Variants in RFFL observed in about 807,000 individuals in gnomAD.
RFFL encodes the protein E3 ubiquitin-protein ligase rififylin.
In RFFL, 16 loss-of-function variants were observed where a neutral mutation model predicts 40.4. That is an observed-to-expected ratio of 0.40 (90% confidence interval 0.27 to 0.60). The LOEUF is 0.60. RFFL is among the 20% of genes least tolerant of loss of function. The pLI is 0.47. For missense variants in RFFL, 367 were observed against 451.7 expected (o/e 0.81, Z 1.70); for synonymous variants, 154 against 167.9 (o/e 0.92, Z 0.64).
At chr17:35,063,960 T>C (rs2091308326), upstream of RFFL, 1 of 152,232 alleles carries the variant, frequency 6.6e-6, no homozygotes, top group African/African-American at 2.4e-5. Flanking sequence ...CCAGAGCCCT[T>C]ACCCAAAAAG....
intron 1 of RFFL, among the ~76,000 whole-genome samples, chr17:35,084,112 G>A (rs553784953): frequency 3.8e-4 from 58 of 152,054 alleles, no homozygotes; most frequent in African/African-American, 1.4e-3. Flanking sequence ...AGTGGCGCGT[G>A]CCTGTAATCC....
At chr17:35,035,254 CA>C (rs1239142594) in intron 1 of RFFL, among the ~76,000 whole-genome samples, 4 of 151,854 alleles carry the variant, frequency 2.6e-5, no homozygotes, top group Non-Finnish European at 4.4e-5. Flanking sequence ...ACTAAAAATA[CA>C]AAAATTAGCC....
At chr17:35,022,802 A>G (rs1361435740) in intron 2 of RFFL, among the ~76,000 whole-genome samples, 1 of 152,192 alleles carries the variant, frequency 6.6e-6, no homozygotes, top group Non-Finnish European at 1.5e-5. Context: ...TATCCAAGAC[A>G]AATATTTAGA....
At chr17:35,052,772 G>A (rs56056457) in intron 1 of RFFL, among the ~76,000 whole-genome samples, 10,818 of 152,226 alleles carry the variant, frequency 0.071, 527 homozygotes, top group Non-Finnish European at 0.094. Flanking sequence ...GCTCAGTGAG[G>A]CCATGGTCTA....
At chr17:35,041,099 G>T (rs2091162559) in intron 1 of RFFL, among the ~76,000 whole-genome samples, 1 of 151,878 alleles carries the variant, frequency 6.6e-6, no homozygotes, top group African/African-American at 2.4e-5. Context: ...GATATTATTT[G>T]CTTATTTATT....
intron 1 of RFFL, among the ~76,000 whole-genome samples, chr17:35,060,298 C>T (rs1028269871): frequency 2.0e-5 from 3 of 152,202 alleles, no homozygotes; most frequent in Non-Finnish European, 2.9e-5. Flanking sequence ...CCTCCTCCTC[C>T]TACCTTGATG....
chr17:35,067,073 A>G (rs534093946), upstream of RFFL, among the ~76,000 whole-genome samples: 222 of 152,078 alleles, frequency 1.5e-3, no homozygotes, highest in Non-Finnish European at 2.8e-3. Flanking sequence ...AGTCCCTCAG[A>G]CACTCTGAAT....
chr17:35,025,753 G>A (rs2091037022), intron 2 of RFFL, among the ~76,000 whole-genome samples: 1 of 152,154 alleles, frequency 6.6e-6, no homozygotes, highest in South Asian at 2.1e-4. Context: ...TCTGGAAGAG[G>A]GAGGGTGCAC....
chr17:35,030,443 T>C (rs2091075482), intron 1 of RFFL, among the ~76,000 whole-genome samples: 1 of 151,830 alleles, frequency 6.6e-6, no homozygotes, highest in Non-Finnish European at 1.5e-5. Context: ...TGATGGCCAG[T>C]GATGGTGAGC....
chr17:35,026,832 A>T (rs2091044396), intron 1 of RFFL, among the ~76,000 whole-genome samples: 1 of 152,106 alleles, frequency 6.6e-6, no homozygotes, highest in African/African-American at 2.4e-5. Context: ...CAGCCTCCCA[A>T]GTAGCTGGGA....
At chr17:35,073,058 T>C (rs182870499) in intron 1 of RFFL, among the ~76,000 whole-genome samples, 8 of 124,930 alleles carry the variant, frequency 6.4e-5, no homozygotes, top group South Asian at 2.5e-4. Context: ...AAAAAAAACA[T>C]GAAATTATTC....
chr17:35,054,147 C>CGGAA (rs1342226474), intron 1 of RFFL, among the ~76,000 whole-genome samples: 1 of 152,134 alleles, frequency 6.6e-6, no homozygotes, highest in Non-Finnish European at 1.5e-5. Flanking sequence ...CTCCACCTTC[C>CGGAA]ACCCCTGTCA....
chr17:35,071,369 G>A (rs1450847889), intron 1 of RFFL, among the ~76,000 whole-genome samples: 1 of 152,092 alleles, frequency 6.6e-6, no homozygotes, highest in Non-Finnish European at 1.5e-5. Context: ...TGTCATGCCA[G>A]CACTTTGGGA....
chr17:35,031,343 G>A (rs2142333533), intron 1 of RFFL, among the ~76,000 whole-genome samples: 1 of 152,040 alleles, frequency 6.6e-6, no homozygotes, highest in Non-Finnish European at 1.5e-5. Flanking sequence ...CTGACCTCAG[G>A]TGATCCGCCT....
chr17:35,066,430 C>G (rs2091321427), upstream of RFFL, among the ~76,000 whole-genome samples: 1 of 152,106 alleles, frequency 6.6e-6, no homozygotes, highest in Admixed American at 6.6e-5. Context: ...CAAATACATA[C>G]AGAAGATCTG....
chr17:35,012,679 T>C (rs1187880578), intron 6 of RFFL, among the ~76,000 whole-genome samples: 1 of 152,216 alleles, frequency 6.6e-6, no homozygotes, highest in Non-Finnish European at 1.5e-5. Context: ...CCCTCTGCTA[T>C]CTCACAAACT....
At chr17:35,056,286 T>G (rs1017278809) in intron 1 of RFFL, among the ~76,000 whole-genome samples, 1 of 152,058 alleles carries the variant, frequency 6.6e-6, no homozygotes, top group African/African-American at 2.4e-5. Context: ...CCTTCCCTGG[T>G]TCCTTCTTTT....
chr17:35,077,515 TA>T, intron 1 of RFFL, among the ~76,000 whole-genome samples: 1 of 152,348 alleles, frequency 6.6e-6, no homozygotes, highest in East Asian at 1.9e-4. Flanking sequence ...GGCAACAGAT[TA>T]GGGGTGAAGG....
chr17:35,088,687 A>T (rs1416610040), intron 1 of RFFL: 1 of 152,204 alleles, frequency 6.6e-6, no homozygotes, highest in African/African-American at 2.4e-5. Context: ...CTCCTCTAAG[A>T]CGGAGATAGG....
Sources: gnomAD v4.1 joint callset for allele counts (sites outside exome capture counted in the v4.1 genomes callset) on GRCh38, gnomAD v4.1.1 for gene constraint, MANE v1.5 for transcripts, NCBI Gene and HGNC (gene_info 2026-07-23, HGNC 2026-07-21) for gene names.